Variants in NBPF12 observed in about 807,000 individuals in gnomAD.
NBPF12 encodes the protein NBPF family member NBPF12.
A neutral mutation model predicts 146.4 loss-of-function variants in NBPF12; 115 were observed. That is an observed-to-expected ratio of 0.79 (90% confidence interval 0.68 to 0.92). The LOEUF (loss-of-function observed/expected upper bound fraction) is 0.92, where lower values mean the gene tolerates loss of function less well. NBPF12 is among the 40% of genes least tolerant of loss of function. The probability of loss-of-function intolerance (pLI) is 0.00; values close to 1 mark genes in which losing one functional copy is unlikely to be tolerated. For synonymous variants in NBPF12, 385 were observed against 508.9 expected, an observed-to-expected ratio of 0.76 and a Z score of 3.28; for missense variants, 1,205 against 1,326.8, an observed-to-expected ratio of 0.91 and a Z score of 1.43.
At position 146,995,951 on chromosome 1, in the gene NBPF12, C is replaced by T. The variant is rs1343985968; in HGVS notation, c.*1376C>T. ...TTATTATATACATATCTCTACGCTGCAAATTTTGGGTCTCAATTTTTACTG... is the reference window on the plus strand; with the variant it reads ...TTATTATATACATATCTCTACGCTGTAAATTTTGGGTCTCAATTTTTACTG... On this transcript the variant is annotated 3_prime_UTR_variant, in exon 34 of 34. Coordinates refer to ENST00000617844, the Ensembl canonical transcript of NBPF12. 4.0e-5 allele frequency: 6 copies of T among 150,762 alleles called. No homozygotes were observed. The East Asian group carries it at 1.2e-3, about 29-fold the overall frequency. The allele number at this position is 150,762 out of a possible 1,614,324, so 9.3% of individuals were successfully genotyped here.
In NBPF12 at chr1:146,958,205, C is replaced by G. The variant is rs1328288388; in HGVS notation, c.-183-1654C>G. Among the ~76,000 whole-genome samples the G allele has an allele frequency of 1.1e-4, 13 of 114,992 alleles. 1 individual carries two copies. The highest frequency in any genetic ancestry group is 3.9e-4 in the Admixed American group (4 of 10,128). 75.4% of individuals were successfully genotyped at this position (114,992 alleles called of 152,430 possible). ...CCTGTGTCCAAGTGTTCTCATTGTT[C>G]AATTCCCACCCATGAGTGAGAACAT... On this transcript the variant is annotated intron_variant, in intron 2 of 33. Coordinates refer to ENST00000617844, the Ensembl canonical transcript of NBPF12.
chr1:146,962,783 G>A (rs1187173894), intron 5 of NBPF12, among the ~76,000 whole-genome samples: 2 of 149,500 alleles, frequency 1.3e-5, no homozygotes, highest in African/African-American at 5.0e-5. Flanking sequence ...ACATGGAAAT[G>A]TCCATGGCCA....
At position 146,982,974 on chromosome 1, in the gene NBPF12, G is replaced by A. The variant is rs1369858371; in HGVS notation, c.2497G>A (p.Asp833Asn). 4.5e-5 allele frequency: 72 copies of A among 1,609,384 alleles called. 1 individual carries two copies. The Admixed American group carries it at 9.5e-4, about 21-fold the overall frequency. ...GGAGGAAGTCCCCCAGGAGTCCTGG[G>A]ATGAAGGTTATTCGACTCTCTCAAT... Residue 833 changes from aspartate to asparagine, a missense_variant, in exon 20 of 34, where the codon GAT becomes AAT. This residue lies in a region of NBPF12 where 49 missense variants were observed against 49.9 expected (regional missense o/e 0.98). Coordinates refer to ENST00000617844, the Ensembl canonical transcript of NBPF12.
chr1:146,964,523 C>T (rs1656066537), intron 7 of NBPF12, 94 bp downstream of exon 10: 11 of 1,577,462 alleles, frequency 7.0e-6, no homozygotes, highest in Non-Finnish European at 7.0e-6. Context: ...GGGCCAAAAG[C>T]CCGCATTCCC....
chr1:146,942,159 T>A (rs1180834597), intron 1 of NBPF12, among the ~76,000 whole-genome samples: 3 of 151,558 alleles, frequency 2.0e-5, no homozygotes, highest in Non-Finnish European at 2.9e-5. Context: ...GCCCAGCTAA[T>A]TTTTTATTTT....
At chr1:146,995,036 G>C in exon 34 of NBPF12, 1 of 184,046 alleles carries the variant, frequency 5.4e-6, no homozygotes, top group South Asian at 1.0e-4. Context: ...ACACAGGAGG[G>C]ATCCTTGGCT....
intron 18 of NBPF12, among the ~76,000 whole-genome samples, chr1:146,978,491 A>C (rs1657189862): frequency 6.7e-6 from 1 of 149,360 alleles, no homozygotes; most frequent in Non-Finnish European, 1.5e-5. Flanking sequence ...TCCTGAACTC[A>C]TGACCTCAAA....
intron 5 of NBPF12, 126 bp from the exon 9 acceptor site, chr1:146,962,969 C>G: frequency 3.0e-6 from 2 of 667,848 alleles, no homozygotes; most frequent in Non-Finnish European, 2.6e-6. Flanking sequence ...ACATTCCTTT[C>G]AACATGTGCT....
Position 146,969,142 on chromosome 1 carries a change from A to T in NBPF12, c.1092-240A>T, listed in dbSNP as rs1285301924. On this transcript the variant is annotated intron_variant, in intron 10 of 33. Coordinates refer to ENST00000617844, the Ensembl canonical transcript of NBPF12. ...ATTAGGAAGACACCTACTTTTGTTT[A>T]CAGAAGGGAAAGATGAATGGAACAT... 1.5e-3 allele frequency among the ~76,000 whole-genome samples: 233 copies of T among 151,408 alleles called. 7 individuals are homozygous for T. Among genetic ancestry groups the T allele is most frequent in the African/African-American group, 5.4e-3 (223 of 40,928 alleles).
chr1:146,978,324 G>T (rs1336286244), intron 18 of NBPF12, among the ~76,000 whole-genome samples: 1 of 143,252 alleles, frequency 7.0e-6, no homozygotes, highest in Non-Finnish European at 1.5e-5. Context: ...GAGTGCAGTG[G>T]CACCATCTTG....
chr1:146,939,181 A>G (rs2746928), intron 1 of NBPF12, among the ~76,000 whole-genome samples, 169 bp downstream of exon 1: 3,537 of 151,958 alleles, frequency 0.023, 160 homozygotes, highest in African/African-American at 0.079. Flanking sequence ...GCTGCAGCCC[A>G]CAGCCCTCCT....
chr1:146,945,554 A>G (rs1474546220), upstream of NBPF12, among the ~76,000 whole-genome samples: 2 of 151,590 alleles, frequency 1.3e-5, no homozygotes, highest in Non-Finnish European at 2.9e-5. Context: ...CTTCAATGCC[A>G]AGTACTAACC....
exon 14 of NBPF12, chr1:146,972,896 C>G (rs1228456144): frequency 1.9e-6 from 2 of 1,060,402 alleles, no homozygotes; most frequent in African/African-American, 1.6e-5. Flanking sequence ...AGTTCAGAAG[C>G]CTCAAAGAGA....
rs1553886373 is a variant in NBPF12, at chr1:146,971,236, G to A, written c.1433G>A (p.Cys478Tyr). The A allele has an allele frequency of 3.3e-5, 54 of 1,612,194 alleles. 2 individuals carry two copies. In the East Asian group the frequency reaches 1.0e-3, roughly 30 times the overall value. ...GTCCCTGAGGACTCACTGGAGGAAT[G>A]TGCCATCACTTGTTCAAATAGCCAC... The change falls in exon 13 of 34, where the codon TGT (cysteine) becomes TAT (tyrosine). Residue 478 changes from cysteine to tyrosine, a missense_variant. By Grantham distance (194) the Cys-to-Tyr change is radical (BLOSUM62 -2). Around this residue, in one of 16 missense-constraint regions of NBPF12, gnomAD observed 278 missense variants for 203.1 expected, o/e 1.37. Transcript: ENST00000617844.
rs1553885715 is a variant in NBPF12, at chr1:146,966,714, C to A, written c.988+41C>A. On this transcript the variant is annotated intron_variant, in intron 9 of 33. Transcript: ENST00000617844. ...TCACCATCACGAAAGTGATGAACAACGTCCTGTCTTCTCTCTGAGAAACTA... is the reference window on the plus strand; with the variant it reads ...TCACCATCACGAAAGTGATGAACAAAGTCCTGTCTTCTCTCTGAGAAACTA... The A allele has an allele frequency of 2.9e-3, 3,200 of 1,087,728 alleles. 118 individuals carry two copies. The African/African-American group carries it at 0.043, about 15-fold the overall frequency. The allele number at this position is 1,087,728 out of a possible 1,614,324, so 67.4% of individuals were successfully genotyped here. A position where few individuals can be genotyped will look rare whatever the true frequency, so the allele number is the denominator to read the frequency against.
At chr1:146,952,427 C>T (rs1655365552) in intron 2 of NBPF12, among the ~76,000 whole-genome samples, 1 of 152,010 alleles carries the variant, frequency 6.6e-6, no homozygotes, top group African/African-American at 2.4e-5. Context: ...TGTACCAGCC[C>T]CAATGCCGTG....
chr1:146,973,673 C>T (rs1211025739), intron 14 of NBPF12, among the ~76,000 whole-genome samples: 24 of 148,240 alleles, frequency 1.6e-4, no homozygotes, highest in East Asian at 5.9e-4. Context: ...CTGTAATCAC[C>T]CCTGCTCAGG....
At chr1:146,986,032 G>A (rs1400146701) in intron 23 of NBPF12, among the ~76,000 whole-genome samples, 2 of 150,226 alleles carry the variant, frequency 1.3e-5, no homozygotes, top group Admixed American at 6.6e-5. Context: ...TGAGCCCACT[G>A]TTTTCATGAT....
In NBPF12 at chr1:146,950,629, G is replaced by A. The variant is rs1422371169; in HGVS notation, c.-325-719G>A. ...TATCATTTTTCTCACACTCTTTTGC[G>A]TATGGCTCCTATTGCACTCAAAATG... On this transcript the variant is annotated intron_variant, in intron 1 of 33. Coordinates refer to ENST00000617844, the Ensembl canonical transcript of NBPF12. 9.2e-5 allele frequency among the ~76,000 whole-genome samples: 14 copies of A among 151,980 alleles called. 1 individual carries two copies. The highest frequency in any genetic ancestry group is 2.7e-4 in the African/African-American group (11 of 41,340).
Sources: gnomAD v4.1 joint callset for allele counts (sites outside exome capture counted in the v4.1 genomes callset) on GRCh38, gnomAD v4.1.1 for gene constraint, gnomAD v4.1.1 regional missense constraint, MANE v1.5 for transcripts, NCBI Gene and HGNC (gene_info 2026-07-23, HGNC 2026-07-21) for gene names.